The following FBN3 variants were observed in gnomAD, a reference collection of about 807,000 sequenced individuals.
The protein encoded by FBN3 is fibrillin 3.
A neutral mutation model predicts 330.1 loss-of-function variants in FBN3; 234 were observed. The ratio of observed to expected loss-of-function variants is 0.71; its 90% CI spans 0.64 to 0.79. FBN3 has a LOEUF of 0.79. Among genes scored for constraint, FBN3 ranks in the 30% least tolerant of loss-of-function variants. The pLI, the probability that FBN3 is intolerant of heterozygous loss-of-function variation, is 0.00. For missense variants in FBN3, 3,606 were observed against 3,886.9 expected, an observed-to-expected ratio of 0.93 and a Z score of 1.92; for synonymous variants, 1,458 against 1,517.3, an observed-to-expected ratio of 0.96 and a Z score of 0.91.
chr19:8,143,497 CTTT>C (rs557671451), intron 6 of FBN3, among the ~76,000 whole-genome samples: 8 of 126,050 alleles, frequency 6.3e-5, no homozygotes, highest in South Asian at 2.5e-4. Flanking sequence ...CTTTTCTTTT[CTTT>C]TTTTTTTTTT....
intron 8 of FBN3, 87 bp downstream of exon 8, chr19:8,141,630 C>CCCCT: frequency 1.2e-5 from 18 of 1,478,590 alleles, no homozygotes; most frequent in Non-Finnish European, 1.6e-5. Context: ...ACCAGCCTGA[C>CCCCT]CCCTCTGCCT....
intron 18 of FBN3, among the ~76,000 whole-genome samples, chr19:8,127,048 G>GTTTTTTTT (rs140844932): frequency 1.8e-5 from 2 of 113,916 alleles, no homozygotes; most frequent in African/African-American, 6.3e-5. Flanking sequence ...ATGCCAAACT[G>GTTTTTTTT]TTTTTTTTTT....
Position 8,096,210 on chromosome 19 carries a change from C to A in FBN3, c.5540-130G>T. Reference sequence around the variant, plus strand: ...CTGCCTAGATGACTGGGCAGTGACCCCTGGCGGTGATGGCTGGGAAGTACT... The same window carrying A: ...CTGCCTAGATGACTGGGCAGTGACCACTGGCGGTGATGGCTGGGAAGTACT... On this transcript the variant is annotated intron_variant, in intron 44 of 63. Coordinates refer to ENST00000600128, the MANE Select transcript of FBN3 (RefSeq NM_032447.5). The surrounding 1 kb of genome is among the most constrained non-coding windows in gnomAD (Gnocchi z 4.6). 1.1e-6 allele frequency: 1 copy of A among 877,652 alleles called. No individual in the cohort carries two copies. Among genetic ancestry groups the A allele is most frequent in the East Asian group, 2.5e-5 (1 of 40,770 alleles). The allele number at this position is 877,652 out of a possible 1,614,324, so 54.4% of individuals were successfully genotyped here.
In FBN3 at chr19:8,078,007, G is replaced by A. The variant is rs568867336; in HGVS notation, c.7454-2596C>T. Among the ~76,000 whole-genome samples, 18 of 152,168 alleles carry A rather than the reference G, an allele frequency of 1.2e-4. No homozygotes were observed. The South Asian group carries it at 3.7e-3, about 32-fold the overall frequency. On this transcript the variant is annotated intron_variant, in intron 59 of 63. Coordinates refer to ENST00000600128, the MANE Select transcript of FBN3 (RefSeq NM_032447.5). ...CAGGAGGATCGCTTGAACCTGGGAG[G>A]TGAGATTGCAGTGAGCTGAGATTGC...
At chr19:8,111,843 C>T (rs1347774875) in intron 31 of FBN3, 73 bp from the exon 32 acceptor site, 2 of 1,572,866 alleles carry the variant, frequency 1.3e-6, no homozygotes, top group African/African-American at 2.7e-5. Context: ...GAGAAAGACC[C>T]ATCAACCCTC....
At position 8,132,985 on chromosome 19, in the gene FBN3, C is replaced by T. The variant is rs368860882; in HGVS notation, c.1713G>A (p.Met571Ile). The change falls in exon 14 of 64, where the codon ATG becomes ATA. Residue 571 changes from methionine to isoleucine, a missense_variant and splice_region_variant. Met to Ile is a conservative substitution (Grantham distance 10, BLOSUM62 1). Coordinates refer to ENST00000600128, the MANE Select transcript of FBN3 (RefSeq NM_032447.5). ...FLLAPGGHYC[M>I]DIDECQTPGI... The stretch of plus-strand genomic sequence containing the variant: ...TGGCCAGTCTGGCTCCAGGCTCACC[C>T]ATGCAGTAGTGGCCGCCAGGCGCCA... 1,067 of 1,555,888 alleles carry T rather than the reference C, an allele frequency of 6.9e-4. 21 individuals carry two copies. In the South Asian group the frequency reaches 0.012, roughly 17 times the overall value.
chr19:8,147,610 T>G (rs577472836), intron 1 of FBN3, 113 bp from the exon 2 acceptor site: 36 of 918,666 alleles, frequency 3.9e-5, no homozygotes, highest in Non-Finnish European at 5.1e-5. Flanking sequence ...CCGGGGCCTC[T>G]GGGAGCCCAA....
rs780911999 is a variant in FBN3, at chr19:8,126,561, A to G, written c.2461T>C (p.Cys821Arg). Residue 821 changes from cysteine to arginine, a missense_variant, in exon 20 of 64, where the codon TGT becomes CGT. Physicochemically the swap from Cys to Arg is radical, Grantham distance 180. Coordinates refer to ENST00000600128, the MANE Select transcript of FBN3 (RefSeq NM_032447.5). ...CTGGCTCCCTGAAGGTTCACCTCAC[A>G]GCGGCTCTCCTGGATCTTCAGCCAG... ...TCWLKIQESR[C>R]EVNLQGASLR... is the part of the protein sequence containing the mutation. 6.2e-7 allele frequency: 1 copy of G among 1,612,056 alleles called. No homozygotes were observed. Among genetic ancestry groups the G allele is most frequent in the Non-Finnish European group, 8.5e-7 (1 of 1,179,964 alleles).
chr19:8,107,367 TG>T (rs2082465434), intron 37 of FBN3, among the ~76,000 whole-genome samples: 1 of 81,752 alleles, frequency 1.2e-5, no homozygotes, highest in African/African-American at 5.1e-5. Context: ...GGGGAATAAG[TG>T]GGGGGATGGA....
At position 8,146,301 on chromosome 19, in the gene FBN3, G is replaced by A. The variant is rs2083544907; in HGVS notation, c.251-76C>T. ...TCCCTGCTCCATTGGTGTCCGGGCT[G>A]GCCGGAACACCTCAGTGGACGCTGC... On this transcript the variant is annotated intron_variant, in intron 3 of 63. Transcript: ENST00000600128. 2.4e-6 allele frequency: 3 copies of A among 1,247,336 alleles called. No homozygotes were observed. The South Asian group carries it at 3.9e-5, about 16-fold the overall frequency. The allele number at this position is 1,247,336 out of a possible 1,614,324, so 77.3% of individuals were successfully genotyped here. A position where few individuals can be genotyped will look rare whatever the true frequency, so the allele number is the denominator to read the frequency against.
intron 36 of FBN3, 129 bp from the exon 37 acceptor site, chr19:8,108,367 A>T: frequency 1.5e-6 from 1 of 667,032 alleles, no homozygotes. Flanking sequence ...TACTAACGAC[A>T]TCCCCATATC....
intron 6 of FBN3, among the ~76,000 whole-genome samples, chr19:8,144,321 TG>T (rs2083484325): frequency 6.6e-6 from 1 of 151,934 alleles, no homozygotes; most frequent in African/African-American, 2.4e-5. Flanking sequence ...TGGTTGAACC[TG>T]GGAGGCAGAG....
chr19:8,094,983 T>C lies in FBN3; in HGVS notation c.5785+392A>G, dbSNP rs193177732. ...ATTTTATAATTATTTTATTTATTTA[T>C]TTATTTTGAGATAGGATCTTTCCCT... On this transcript the variant is annotated intron_variant, in intron 46 of 63. Coordinates refer to ENST00000600128, the MANE Select transcript of FBN3 (RefSeq NM_032447.5). Among the ~76,000 whole-genome samples the C allele has an allele frequency of 2.4e-3, 359 of 152,292 alleles. 4 individuals carry two copies. The highest frequency in any genetic ancestry group is 8.3e-3 in the African/African-American group (344 of 41,546).
intron 41 of FBN3, 36 bp downstream of exon 41, chr19:8,100,865 G>A (rs201169002): frequency 2.9e-5 from 45 of 1,574,908 alleles, no homozygotes; most frequent in Non-Finnish European, 3.9e-5. Context: ...CCAGGTGGAT[G>A]GGTGCCCAGG....
chr19:8,120,097 C>T (rs1229606066), intron 25 of FBN3, among the ~76,000 whole-genome samples: 2 of 151,216 alleles, frequency 1.3e-5, no homozygotes, highest in African/African-American at 4.9e-5. Flanking sequence ...TCATGTGGCC[C>T]TTTTAAGGGC....
At chr19:8,133,374 T>G (rs1356421283) in intron 13 of FBN3, among the ~76,000 whole-genome samples, 3 of 152,232 alleles carry the variant, frequency 2.0e-5, no homozygotes, top group Non-Finnish European at 4.4e-5. Flanking sequence ...AACGTGGTGG[T>G]TTTTGCACAA....
intron 24 of FBN3, 47 bp downstream of exon 24, chr19:8,123,417 C>T (rs377459105): frequency 1.6e-5 from 26 of 1,595,260 alleles, no homozygotes; most frequent in African/African-American, 2.7e-5. Context: ...AGGCCCCTAT[C>T]CCTGCCAAGG....
At chr19:8,119,939 G>A (rs2082802004) in intron 25 of FBN3, among the ~76,000 whole-genome samples, 1 of 142,766 alleles carries the variant, frequency 7.0e-6, no homozygotes. Context: ...TCCCACTTCA[G>A]CCTCCTGAGT....
Position 8,073,000 on chromosome 19 carries a change from T to TGC in FBN3, c.7937+62_7937+63insGC, listed in dbSNP as rs1555723771. 54 of 916,316 alleles carry TGC rather than the reference T, an allele frequency of 5.9e-5. No individual in the cohort carries two copies. In the Middle Eastern group the frequency reaches 9.3e-4, roughly 16 times the overall value. The allele number at this position is 916,316 out of a possible 1,614,324, so 56.8% of individuals were successfully genotyped here. A position where few individuals can be genotyped will look rare whatever the true frequency, so the allele number is the denominator to read the frequency against. On this transcript the variant is annotated intron_variant, in intron 62 of 63. Coordinates refer to ENST00000600128, the MANE Select transcript of FBN3 (RefSeq NM_032447.5). ...GTGTGTGTGTGTGTGTGTGTGTGTG[T>TGC]GTGCGTGCGTGCATGGACGCTTGCG...
Sources: gnomAD v4.1 joint callset for allele counts (sites outside exome capture counted in the v4.1 genomes callset) on GRCh38, gnomAD v4.1.1 for gene constraint, Gnocchi (gnomAD v3.1) non-coding constraint, MANE v1.5 for transcripts, NCBI Gene and HGNC (gene_info 2026-07-23, HGNC 2026-07-21) for gene names.